RYR2: variants seen among roughly 807,000 people sequenced by gnomAD.
The protein encoded by RYR2 is cardiac muscle ryanodine receptor-calcium release channel.
RYR2 carries 227 observed loss-of-function variants against 601.1 expected under a neutral mutation model. That is an observed-to-expected ratio of 0.38 (90% CI 0.34 to 0.42). RYR2 has a LOEUF of 0.42. RYR2 is among the 10% of genes least tolerant of loss of function. The pLI, the probability that RYR2 is intolerant of heterozygous loss-of-function variation, is 1.00. For missense variants in RYR2, 4,646 were observed against 6,156.5 expected, an observed-to-expected ratio of 0.75 and a Z score of 8.21; for synonymous variants, 2,223 against 2,175.1, an observed-to-expected ratio of 1.02 and a Z score of -0.61.
intron 16 of RYR2, among the ~76,000 whole-genome samples, chr1:237,467,117 T>C (rs1039052023): frequency 1.3e-5 from 2 of 148,698 alleles, no homozygotes; most frequent in Non-Finnish European, 3.0e-5. Flanking sequence ...TATATAATTT[T>C]AGATAGATAA....
intron 25 of RYR2, among the ~76,000 whole-genome samples, chr1:237,544,665 C>T (rs1669620799): frequency 6.6e-6 from 1 of 152,048 alleles, no homozygotes; most frequent in African/African-American, 2.4e-5. Context: ...CTCTGTGTAC[C>T]TAATTAAATT....
In RYR2 at chr1:237,374,725, C is replaced by T; in HGVS notation, c.393C>T (p.Cys131=). 1.9e-6 allele frequency: 3 copies of T among 1,612,132 alleles called. No individual in the cohort carries two copies. The highest frequency in any genetic ancestry group is 1.6e-4 in the Middle Eastern group (1 of 6,062). ...GATTTTGTACTTTGTAGTATCTGTGCTGCCTGTCCACCTCCCGGTCTTCAA... is the reference window on the plus strand; with the variant it reads ...GATTTTGTACTTTGTAGTATCTGTGTTGCCTGTCCACCTCCCGGTCTTCAA... ...LRHSYSGMYL[C]CLSTSRSSTD... is the part of the protein sequence containing the mutation. Residue 131 remains cysteine (C), a synonymous_variant, in exon 7 of 105, where the codon TGC becomes TGT. Coordinates refer to ENST00000366574, the MANE Select transcript of RYR2 (RefSeq NM_001035.3).
intron 1 of RYR2, among the ~76,000 whole-genome samples, chr1:237,128,070 G>A (rs1429399718): frequency 1.3e-5 from 2 of 152,260 alleles, no homozygotes; most frequent in African/African-American, 2.4e-5. Context: ...CCGAGATCAC[G>A]CCACTGCACT....
In RYR2 at chr1:237,071,599, G is replaced by GA. The variant is rs1001176015; in HGVS notation, c.48+29036dup. The stretch of plus-strand genomic sequence containing the variant: ...TCCACGGTCGGCCATGGCAGGCCTG[G>GA]AAAAAACACTATAAACTCTTACTCT... On this transcript the variant is annotated intron_variant, in intron 1 of 104. Transcript: ENST00000366574. Among the ~76,000 whole-genome samples the GA allele has an allele frequency of 4.6e-5, 7 of 152,008 alleles. 1 individual carries two copies. Among genetic ancestry groups the GA allele is most frequent in the South Asian group, 4.1e-4 (2 of 4,822 alleles).
chr1:237,658,607 G>A (rs924678976), intron 54 of RYR2, among the ~76,000 whole-genome samples: 3 of 152,062 alleles, frequency 2.0e-5, no homozygotes, highest in African/African-American at 7.2e-5. Context: ...TGCCCAGGCT[G>A]GTCTCCAACT....
intron 1 of RYR2, among the ~76,000 whole-genome samples, chr1:237,143,104 A>C (rs182879973): frequency 6.6e-6 from 1 of 152,210 alleles, no homozygotes. Context: ...AGAAATTCAT[A>C]AATTTGCCAG....
intron 1 of RYR2, among the ~76,000 whole-genome samples, chr1:237,253,781 G>A (rs1023411104): frequency 5.9e-5 from 9 of 152,150 alleles, no homozygotes; most frequent in African/African-American, 2.2e-4. Flanking sequence ...TCTACCAATT[G>A]CAAGAAAAGT....
At chr1:237,525,525 A>G (rs535767000) in intron 24 of RYR2, among the ~76,000 whole-genome samples, 1 of 151,916 alleles carries the variant, frequency 6.6e-6, no homozygotes, top group East Asian at 2.0e-4. Flanking sequence ...ATCTCGGCTG[A>G]CTGAAACTTC....
intron 1 of RYR2, among the ~76,000 whole-genome samples, chr1:237,111,182 A>G (rs993000286): frequency 1.1e-4 from 16 of 152,226 alleles, no homozygotes; most frequent in Admixed American, 9.8e-4. Context: ...TTTGGTTCAG[A>G]GGACATTCAC....
In RYR2 at chr1:237,718,448, A is replaced by C; in HGVS notation, c.10495-14A>C. 7.0e-7 allele frequency: 1 copy of C among 1,425,380 alleles called. No homozygotes were observed. The highest frequency in any genetic ancestry group is 9.9e-7 in the Non-Finnish European group (1 of 1,011,764). The allele number at this position is 1,425,380 out of a possible 1,614,324, so 88.3% of individuals were successfully genotyped here. On this transcript the variant is annotated splice_polypyrimidine_tract_variant and intron_variant, in intron 72 of 104. Coordinates refer to ENST00000366574, the MANE Select transcript of RYR2 (RefSeq NM_001035.3). ...ATAGAAGACTCCTTTTAGGTAACAT[A>C]TATTTCTTGACAGAAAGATACCGAG...
chr1:237,363,073 C>T (rs1427035803), intron 4 of RYR2, among the ~76,000 whole-genome samples: 1 of 142,388 alleles, frequency 7.0e-6, no homozygotes, highest in African/African-American at 2.6e-5. Context: ...ATCTCCCAAA[C>T]CTAGCTTAAT....
At chr1:237,433,922 G>C (rs1467518736) in intron 12 of RYR2, among the ~76,000 whole-genome samples, 1 of 152,178 alleles carries the variant, frequency 6.6e-6, no homozygotes, top group Non-Finnish European at 1.5e-5. Context: ...CTTTGAGTAT[G>C]CAATAGTGAA....
chr1:237,434,339 A>C (rs1035956542), intron 12 of RYR2, among the ~76,000 whole-genome samples: 1 of 152,198 alleles, frequency 6.6e-6, no homozygotes, highest in African/African-American at 2.4e-5. Flanking sequence ...AAGAATCAAC[A>C]ATTGCTGGCA....
chr1:237,300,185 T>G (rs1169672057), intron 2 of RYR2, among the ~76,000 whole-genome samples: 11 of 152,166 alleles, frequency 7.2e-5, no homozygotes, highest in Non-Finnish European at 5.9e-5. Flanking sequence ...TGACTTAGTA[T>G]TATTGAGAGA....
intron 8 of RYR2, among the ~76,000 whole-genome samples, chr1:237,380,375 TA>T (rs767363422): frequency 0.38 from 10,052 of 26,144 alleles, 1,770 homozygotes; most frequent in Middle Eastern, 0.43. Context: ...TATATATATA[TA>T]TATATATATA....
chr1:237,333,221 G>A (rs1696920751), intron 3 of RYR2, among the ~76,000 whole-genome samples: 1 of 152,206 alleles, frequency 6.6e-6, no homozygotes, highest in African/African-American at 2.4e-5. Flanking sequence ...TAAACACATT[G>A]CATGAAGCTG....
intron 23 of RYR2, among the ~76,000 whole-genome samples, chr1:237,510,972 G>T (rs1665831025): frequency 6.6e-6 from 1 of 152,148 alleles, no homozygotes; most frequent in South Asian, 2.1e-4. Context: ...AACATGCAGG[G>T]GGTAAAAGAA....
chr1:237,757,868 T>G (rs139241998), intron 82 of RYR2, 92 bp downstream of exon 82: 4 of 808,170 alleles, frequency 4.9e-6, no homozygotes, highest in Non-Finnish European at 8.2e-6. Flanking sequence ...TTATTTTCTA[T>G]GTACAATATG....
intron 86 of RYR2, among the ~76,000 whole-genome samples, chr1:237,772,609 T>G (rs1482327791): frequency 6.6e-6 from 1 of 152,194 alleles, no homozygotes; most frequent in African/African-American, 2.4e-5. Context: ...TTAATCAAAC[T>G]GAATTGAAGA....
Sources: gnomAD v4.1 joint callset for allele counts (sites outside exome capture counted in the v4.1 genomes callset) on GRCh38, gnomAD v4.1.1 for gene constraint, MANE v1.5 for transcripts, NCBI Gene and HGNC (gene_info 2026-07-23, HGNC 2026-07-21) for gene names.